SLC6A13: variants seen among roughly 807,000 people sequenced by gnomAD.
SLC6A13 encodes the protein sodium- and chloride-dependent GABA transporter 2.
A neutral mutation model predicts 72.9 loss-of-function variants in SLC6A13; 69 were observed. The ratio of observed to expected loss-of-function variants is 0.95; its 90% CI spans 0.78 to 1.16. The LOEUF is 1.16. Among genes scored for constraint, SLC6A13 ranks in the 50% most tolerant of loss-of-function variants. SLC6A13 has a pLI of 0.00. For synonymous variants in SLC6A13, 303 were observed against 303.0 expected, an observed-to-expected ratio of 1.00 and a Z score of 0.00; for missense variants, 735 against 760.5, an observed-to-expected ratio of 0.97 and a Z score of 0.39.
At chr12:222,690 A>G (rs767951777) in intron 12 of SLC6A13, 58 bp from the exon 13 acceptor site, 2 of 1,090,422 alleles carry the variant, frequency 1.8e-6, no homozygotes, top group Admixed American at 2.0e-5. Flanking sequence ...CACCCAGGAC[A>G]TCAGGATGGG....
chr12:235,265 G>A (rs1189844361), intron 6 of SLC6A13, 41 bp from the exon 7 acceptor site: 2 of 1,612,304 alleles, frequency 1.2e-6, no homozygotes, highest in Admixed American at 3.3e-5. Context: ...TTGTGAGTGA[G>A]GAAGCAGCAG....
chr12:223,241 GGGA>G lies in SLC6A13; in HGVS notation c.1312-10_1312-8del. Reference sequence around the variant, plus strand: ...GGAACACGTACATTCCGCCCTGCATGGGAGGAGATTATTTTAAAAAGAAGTTTA... The same window carrying G: ...GGAACACGTACATTCCGCCCTGCATGGGAGATTATTTTAAAAAGAAGTTTA... On this transcript the variant is annotated splice_polypyrimidine_tract_variant and splice_region_variant and intron_variant, in intron 11 of 14. Coordinates refer to ENST00000343164, the MANE Select transcript of SLC6A13 (RefSeq NM_016615.5). 1 of 1,582,282 alleles carries G rather than the reference GGGA, an allele frequency of 6.3e-7. No homozygotes were observed. Among genetic ancestry groups the G allele is most frequent in the Non-Finnish European group, 8.7e-7 (1 of 1,153,408 alleles).
In SLC6A13 at chr12:224,138, C is replaced by T; in HGVS notation, c.1174-9G>A. 1 of 1,614,120 alleles carries T rather than the reference C, an allele frequency of 6.2e-7. No individual in the cohort carries two copies. The highest frequency in any genetic ancestry group is 1.7e-5 in the Admixed American group (1 of 60,012). On this transcript the variant is annotated splice_polypyrimidine_tract_variant and intron_variant, in intron 10 of 14. Transcript: ENST00000343164. ...CTTTCTACACACACAAACTGGATGA[C>T]AGGGCAAAGGGATTGGAGGGAAGGA...
At chr12:250,539 A>G (rs1183641547) in intron 2 of SLC6A13, among the ~76,000 whole-genome samples, 1 of 152,160 alleles carries the variant, frequency 6.6e-6, no homozygotes, top group African/African-American at 2.4e-5. Context: ...ACCATTTACA[A>G]TAGCATCAAA....
At chr12:222,134 T>G (rs1941238458) in intron 13 of SLC6A13, among the ~76,000 whole-genome samples, 1 of 152,234 alleles carries the variant, frequency 6.6e-6, no homozygotes, top group Non-Finnish European at 1.5e-5. Flanking sequence ...ATGGGACTCT[T>G]GTGAGGATTA....
intron 8 of SLC6A13, 39 bp downstream of exon 8, chr12:227,526 G>C: frequency 1.9e-6 from 3 of 1,612,208 alleles, no homozygotes; most frequent in Non-Finnish European, 2.5e-6. Flanking sequence ...ACAGTAGAGA[G>C]ATGCAGGTGT....
intron 4 of SLC6A13, among the ~76,000 whole-genome samples, chr12:240,618 T>C (rs547949026): frequency 6.6e-6 from 1 of 152,366 alleles, no homozygotes; most frequent in East Asian, 1.9e-4. Flanking sequence ...AAAGACACCT[T>C]TTCTGCCCTC....
intron 2 of SLC6A13, among the ~76,000 whole-genome samples, chr12:245,310 T>G (rs571811957): frequency 6.6e-6 from 1 of 152,338 alleles, no homozygotes; most frequent in East Asian, 1.9e-4. Flanking sequence ...TATTGCTACC[T>G]AACCAATCTT....
At chr12:221,583 C>CTGA in intron 13 of SLC6A13, 37 bp from the exon 14 acceptor site, 1 of 1,076,702 alleles carries the variant, frequency 9.3e-7, no homozygotes, top group Non-Finnish European at 1.3e-6. Flanking sequence ...GGTTGGGGGG[C>CTGA]GGGGGCCTTG....
At chr12:239,950 G>A (rs895296684) in intron 4 of SLC6A13, among the ~76,000 whole-genome samples, 1 of 152,122 alleles carries the variant, frequency 6.6e-6, no homozygotes, top group East Asian at 1.9e-4. Flanking sequence ...TAATACTCAG[G>A]TATTTAATGT....
At position 223,984 on chromosome 12, in the gene SLC6A13, G is replaced by A; in HGVS notation, c.1311+8C>T. On this transcript the variant is annotated splice_region_variant and intron_variant, in intron 11 of 14. Transcript: ENST00000343164. ...TCCCCAGCCTTCCCCCGCTTCCCAG[G>A]CCCTCACCTCTGTGAGCATGATCAG... 9 of 1,608,612 alleles carry A rather than the reference G, an allele frequency of 5.6e-6. No homozygotes were observed. The highest frequency in any genetic ancestry group is 7.6e-6 in the Non-Finnish European group (9 of 1,177,564).
intron 13 of SLC6A13, 28 bp from the exon 14 acceptor site, chr12:221,574 G>C: frequency 6.8e-7 from 1 of 1,464,404 alleles, no homozygotes; most frequent in South Asian, 1.3e-5. Flanking sequence ...AGAGAAAGGG[G>C]TTGGGGGGCG....
chr12:224,198 T>C, intron 10 of SLC6A13, 69 bp from the exon 11 acceptor site: 5 of 1,587,168 alleles, frequency 3.2e-6, no homozygotes, highest in Non-Finnish European at 4.3e-6. Flanking sequence ...GAGCGCTGGC[T>C]TCTCGCTCCC....
chr12:229,852 G>T (rs891581532), intron 7 of SLC6A13, among the ~76,000 whole-genome samples: 1 of 152,186 alleles, frequency 6.6e-6, no homozygotes, highest in African/African-American at 2.4e-5. Flanking sequence ...AATAATAAGA[G>T]AAATCGTGAC....
intron 2 of SLC6A13, 115 bp downstream of exon 2, chr12:259,736 C>T (rs767644882): frequency 6.2e-7 from 1 of 1,605,622 alleles, no homozygotes; most frequent in South Asian, 1.1e-5. Flanking sequence ...TAAGCGTCCT[C>T]CTACCTCCAG....
At position 223,182 on chromosome 12, in the gene SLC6A13, C is replaced by T. The variant is rs1941288664; in HGVS notation, c.1364G>A (p.Cys455Tyr). 1.2e-6 allele frequency: 2 copies of T among 1,613,918 alleles called. No homozygotes were observed. Among genetic ancestry groups the T allele is most frequent in the Non-Finnish European group, 8.5e-7 (1 of 1,179,818 alleles). ...CTCGAAGATGGCCACGAACAGGAGG[C>T]ACATGCCACTGGCCGCATAGTAGTC... ...LFDYYAASGM[C>Y]LLFVAIFESL... Residue 455 changes from cysteine (C) to tyrosine (Y), a missense_variant, in exon 12 of 15, where the codon TGC (cysteine) becomes TAC (tyrosine). Cys to Tyr is a radical substitution (Grantham distance 194, BLOSUM62 -2). Coordinates refer to ENST00000343164, the MANE Select transcript of SLC6A13 (RefSeq NM_016615.5).
chr12:237,825 C>A, intron 5 of SLC6A13, 101 bp downstream of exon 5: 2 of 871,592 alleles, frequency 2.3e-6, no homozygotes, highest in Non-Finnish European at 1.9e-6. Context: ...AGTGGAAATT[C>A]TTCCCTTGCT....
At chr12:257,888 CA>C (rs1942798719) in intron 2 of SLC6A13, among the ~76,000 whole-genome samples, 1 of 152,204 alleles carries the variant, frequency 6.6e-6, no homozygotes, top group Non-Finnish European at 1.5e-5. Flanking sequence ...AACCTTTACC[CA>C]ATTCCAGAGA....
In SLC6A13 at chr12:221,647, T is replaced by C. The variant is rs76455940; in HGVS notation, c.1516-101A>G. The C allele has an allele frequency of 3.1e-3, 2,424 of 773,308 alleles. 33 individuals carry two copies. The highest frequency in any genetic ancestry group is 0.031 in the African/African-American group (1,776 of 57,614). The allele number at this position is 773,308 out of a possible 1,614,324, so 47.9% of individuals were successfully genotyped here. A position where few individuals can be genotyped will look rare whatever the true frequency, so the allele number is the denominator to read the frequency against. On this transcript the variant is annotated intron_variant, in intron 13 of 14. Transcript: ENST00000343164. ...CCTGGCAGAAATCACCCTCCAAGCC[T>C]GGATTCCCTCTAGCTCTTCTGGACC...
Sources: allele counts gnomAD v4.1 joint callset (sites outside exome capture counted in the v4.1 genomes callset), GRCh38; gene constraint gnomAD v4.1.1; transcripts MANE v1.5; gene names NCBI Gene and HGNC (gene_info 2026-07-23, HGNC 2026-07-21).